KDM4C: variants seen among roughly 807,000 people sequenced by gnomAD.
KDM4C encodes lysine-specific demethylase 4C.
In KDM4C, 81 loss-of-function variants were observed where a neutral mutation model predicts 129.3. The observed-to-expected ratio is 0.63, with a 90% confidence interval of 0.52 to 0.75. The LOEUF (loss-of-function observed/expected upper bound fraction) is 0.75, where lower values mean the gene tolerates loss of function less well. Ranked by LOEUF, KDM4C falls within the 30% of genes least tolerant of loss-of-function variation. KDM4C has a pLI of 0.00. For missense variants in KDM4C, 1,457 were observed against 1,304.0 expected (o/e 1.12, Z -1.81); for synonymous variants, 573 against 456.1 (o/e 1.26, Z -3.26).
At chr9:6,948,940 T>G (rs1286718632) in intron 8 of KDM4C, among the ~76,000 whole-genome samples, 1 of 152,182 alleles carries the variant, frequency 6.6e-6, no homozygotes, top group Admixed American at 6.5e-5. Context: ...CATTTCCCCC[T>G]TCTCTATTCG....
At chr9:6,980,247 G>A (rs1194145764) in intron 8 of KDM4C, among the ~76,000 whole-genome samples, 1 of 152,170 alleles carries the variant, frequency 6.6e-6, no homozygotes, top group Non-Finnish European at 1.5e-5. Context: ...TTAATAAGAT[G>A]TGACTGATAA....
chr9:7,070,195 G>A (rs1285077039), intron 17 of KDM4C, among the ~76,000 whole-genome samples: 1 of 152,062 alleles, frequency 6.6e-6, no homozygotes, highest in Non-Finnish European at 1.5e-5. Flanking sequence ...ATAAGAAATA[G>A]TGTTTTATTT....
At chr9:6,848,944 G>A (rs1277557879) in intron 4 of KDM4C, among the ~76,000 whole-genome samples, 1 of 152,200 alleles carries the variant, frequency 6.6e-6, no homozygotes, top group Non-Finnish European at 1.5e-5. Flanking sequence ...ACTGCCAAGA[G>A]TTTTTCCAAT....
chr9:6,810,796 G>C (rs893076517), intron 3 of KDM4C, among the ~76,000 whole-genome samples: 8 of 152,168 alleles, frequency 5.3e-5, no homozygotes, highest in Admixed American at 3.9e-4. Flanking sequence ...ACTTGAGCCT[G>C]GGAGGCTGAG....
chr9:6,877,718 G>A (rs1019782815), intron 5 of KDM4C, among the ~76,000 whole-genome samples: 1 of 152,104 alleles, frequency 6.6e-6, no homozygotes, highest in East Asian at 1.9e-4. Flanking sequence ...TATTGTTCAT[G>A]GCAAGAACAA....
Position 6,743,662 on chromosome 9 carries a change from C to T in KDM4C, c.49+22665C>T, listed in dbSNP as rs1018987371. On this transcript the variant is annotated intron_variant, in intron 1 of 17. Coordinates refer to the KDM4C transcript ENST00000536108. ...AGCTGGGATTATAGGTGTGTACAAC[C>T]AAGCCTGGCTATTTTTCTGTATTTT... 3.3e-5 allele frequency among the ~76,000 whole-genome samples: 5 copies of T among 152,140 alleles called. No homozygotes were observed. In the East Asian group the frequency reaches 9.6e-4, roughly 29 times the overall value.
chr9:6,993,778 T>C (rs1229594250), intron 12 of KDM4C, among the ~76,000 whole-genome samples: 1 of 152,218 alleles, frequency 6.6e-6, no homozygotes, highest in Admixed American at 6.5e-5. Context: ...TCTTTGTTTT[T>C]GGTTGGTGAG....
chr9:7,141,614 C>G (rs1283043871), intron 19 of KDM4C, among the ~76,000 whole-genome samples: 2 of 152,124 alleles, frequency 1.3e-5, no homozygotes, highest in Non-Finnish European at 2.9e-5. Flanking sequence ...AAGGTGACAC[C>G]TGTCATTGAG....
At chr9:6,855,862 C>G (rs1447966929) in intron 5 of KDM4C, among the ~76,000 whole-genome samples, 2 of 152,050 alleles carry the variant, frequency 1.3e-5, no homozygotes, top group African/African-American at 4.8e-5. Context: ...GTTGGGGAGC[C>G]CCACTATTCA....
chr9:6,747,870 A>G (rs1817932972), intron 1 of KDM4C, among the ~76,000 whole-genome samples: 1 of 152,126 alleles, frequency 6.6e-6, no homozygotes, highest in African/African-American at 2.4e-5. Context: ...TAGTCTGTGG[A>G]GGATTTCTTT....
At position 6,768,293 on chromosome 9, in the gene KDM4C, G is replaced by A. The variant is rs945141586; in HGVS notation, c.-18+10090G>A. Among the ~76,000 whole-genome samples the A allele has an allele frequency of 2.6e-5, 4 of 151,646 alleles. No homozygotes were observed. The East Asian group carries it at 7.7e-4, about 29-fold the overall frequency. ...CACATAAATGATCACATAGTTTTTG[G>A]TGACAGATAGGCAGGCCCCAGCTGA... is the stretch of plus-strand genomic sequence containing the variant. On this transcript the variant is annotated intron_variant, in intron 1 of 21. Coordinates refer to ENST00000381309, the MANE Select transcript of KDM4C (RefSeq NM_015061.6).
At chr9:7,117,761 A>C (rs894468640) in intron 18 of KDM4C, among the ~76,000 whole-genome samples, 1 of 152,148 alleles carries the variant, frequency 6.6e-6, no homozygotes, top group Admixed American at 6.6e-5. Context: ...GAAATAAAAA[A>C]GCCCAAGGCA....
At chr9:7,148,553 T>C (rs945546526) in intron 19 of KDM4C, among the ~76,000 whole-genome samples, 22 of 152,234 alleles carry the variant, frequency 1.4e-4, no homozygotes, top group Non-Finnish European at 3.1e-4. Context: ...TCACTGCCAC[T>C]GTCTGGGAGT....
Position 7,011,742 on chromosome 9 carries a change from G to A in KDM4C, c.1831G>A (p.Glu611Lys), listed in dbSNP as rs756537583. The change falls in exon 13 of 22, where the codon GAG (glutamate) becomes AAG (lysine). Residue 611 changes from glutamate to lysine, a missense_variant. Coordinates refer to ENST00000381309, the MANE Select transcript of KDM4C (RefSeq NM_015061.6). ...CATTGAGGAGGAAGTGGAAGAAACAGAGTCTTGGGCGAAACCTCTCATCCA... is the reference window on the plus strand; with the variant it reads ...CATTGAGGAGGAAGTGGAAGAAACAAAGTCTTGGGCGAAACCTCTCATCCA... ...LSIEEEVEETESWAKPLIHLW... is the reference protein window; with the variant it reads ...LSIEEEVEETKSWAKPLIHLW... The A allele has an allele frequency of 1.2e-6, 2 of 1,614,188 alleles. No individual in the cohort carries two copies.
chr9:6,756,266 G>T (rs7045189), upstream of KDM4C, among the ~76,000 whole-genome samples: 58,417 of 152,086 alleles, frequency 0.38, 12,083 homozygotes, highest in African/African-American at 0.55. Flanking sequence ...GTGAAGCTCT[G>T]AAGACAGTGT....
At chr9:6,749,621 T>A (rs1818003981) in intron 1 of KDM4C, among the ~76,000 whole-genome samples, 2 of 151,618 alleles carry the variant, frequency 1.3e-5, no homozygotes, top group African/African-American at 4.9e-5. Flanking sequence ...TGAGCTATGA[T>A]TGCACCACTG....
chr9:7,103,600 T>G, intron 17 of KDM4C, 85 bp from the exon 18 acceptor site: 2 of 890,236 alleles, frequency 2.2e-6, no homozygotes, highest in Non-Finnish European at 3.5e-6. Flanking sequence ...TTTTTTCTTC[T>G]CTAGTAGCTA....
At chr9:6,961,686 A>G (rs1830079232) in intron 8 of KDM4C, among the ~76,000 whole-genome samples, 1 of 152,230 alleles carries the variant, frequency 6.6e-6, no homozygotes, top group Non-Finnish European at 1.5e-5. Flanking sequence ...TGAGTGTAAT[A>G]TACAAGGTAA....
intron 15 of KDM4C, among the ~76,000 whole-genome samples, chr9:7,017,851 G>T (rs1031104692): frequency 3.3e-5 from 5 of 152,174 alleles, no homozygotes; most frequent in African/African-American, 1.2e-4. Flanking sequence ...TCATGACTGT[G>T]TATATTTAGT....
Sources: gnomAD v4.1 joint callset for allele counts (sites outside exome capture counted in the v4.1 genomes callset) on GRCh38, gnomAD v4.1.1 for gene constraint, MANE v1.5 for transcripts, NCBI Gene and HGNC (gene_info 2026-07-23, HGNC 2026-07-21) for gene names.